PRKD1: variants seen among roughly 807,000 people sequenced by gnomAD.
The protein encoded by PRKD1 is serine/threonine-protein kinase D1.
PRKD1 carries 63 observed loss-of-function variants against 95.9 expected under a neutral mutation model. The observed-to-expected ratio is 0.66, with a 90% CI of 0.54 to 0.81. PRKD1 has a LOEUF of 0.81. Ranked by LOEUF, PRKD1 falls within the 30% of genes least tolerant of loss-of-function variation. The pLI, the probability that PRKD1 is intolerant of heterozygous loss-of-function variation, is 0.00. For missense variants in PRKD1, 1,048 were observed against 1,165.3 expected, an observed-to-expected ratio of 0.90 and a Z score of 1.47; for synonymous variants, 425 against 423.1, an observed-to-expected ratio of 1.00 and a Z score of -0.05.
rs1212787971 is a variant in PRKD1, at chr14:29,723,800, T to C, written c.403+1736A>G. Among the ~76,000 whole-genome samples the C allele has an allele frequency of 2.0e-5, 3 of 152,108 alleles. No homozygotes were observed. In the East Asian group the frequency reaches 5.8e-4, roughly 29 times the overall value. ...CTGTTAGAGAATAGCTCCTTTTAAA[T>C]TCCAGCAAAATAGCTGGTAAGAGTA... On this transcript the variant is annotated intron_variant, in intron 2 of 17. Transcript: ENST00000331968.
chr14:29,888,287 A>G (rs1340285088), intron 1 of PRKD1, among the ~76,000 whole-genome samples: 3 of 152,010 alleles, frequency 2.0e-5, no homozygotes, highest in African/African-American at 7.3e-5. Context: ...GCGAGAAGAA[A>G]GAAAGAGAGA....
chr14:29,767,746 A>G (rs1006167477), intron 1 of PRKD1, among the ~76,000 whole-genome samples: 8 of 152,226 alleles, frequency 5.3e-5, no homozygotes, highest in Non-Finnish European at 1.2e-4. Flanking sequence ...AAATCAGTCA[A>G]CAAACACCTC....
chr14:29,645,756 C>G (rs964420278), intron 4 of PRKD1, among the ~76,000 whole-genome samples: 3 of 152,032 alleles, frequency 2.0e-5, no homozygotes, highest in Admixed American at 6.5e-5. Flanking sequence ...TATATTTACT[C>G]TTTCCCTTTC....
intron 1 of PRKD1, among the ~76,000 whole-genome samples, chr14:29,793,796 T>G (rs1889681027): frequency 6.6e-6 from 1 of 152,132 alleles, no homozygotes; most frequent in Non-Finnish European, 1.5e-5. Flanking sequence ...AATTAGATTT[T>G]TTTTTCTTAA....
At chr14:29,846,112 C>T (rs902360948) in intron 1 of PRKD1, among the ~76,000 whole-genome samples, 4 of 152,150 alleles carry the variant, frequency 2.6e-5, no homozygotes. Flanking sequence ...AGTTCCTGCT[C>T]ATATTTATTC....
Position 29,779,668 on chromosome 14 carries a change from C to T in PRKD1, c.265-53994G>A, listed in dbSNP as rs151318561. 9.9e-5 allele frequency among the ~76,000 whole-genome samples: 15 copies of T among 152,284 alleles called. No individual in the cohort carries two copies. In the East Asian group the frequency reaches 2.3e-3, roughly 24 times the overall value. On this transcript the variant is annotated intron_variant, in intron 1 of 17. Coordinates refer to ENST00000331968, the MANE Select transcript of PRKD1 (RefSeq NM_002742.3). ...CAAACAAATGGAAGAAAATTCCATG[C>T]TCATAGATAGGAAGAATCAACATCG...
intron 2 of PRKD1, among the ~76,000 whole-genome samples, chr14:29,685,791 C>A (rs1429874428): frequency 6.6e-6 from 1 of 151,858 alleles, no homozygotes; most frequent in Non-Finnish European, 1.5e-5. Flanking sequence ...GACCAGCTAA[C>A]TATAACTCAA....
At chr14:29,903,101 T>A (rs1193869629) in intron 1 of PRKD1, among the ~76,000 whole-genome samples, 1 of 152,084 alleles carries the variant, frequency 6.6e-6, no homozygotes, top group African/African-American at 2.4e-5. Flanking sequence ...TCAATAAGAT[T>A]AAAAACATAG....
At chr14:29,613,372 C>T (rs559476904) in intron 13 of PRKD1, among the ~76,000 whole-genome samples, 21 of 152,272 alleles carry the variant, frequency 1.4e-4, no homozygotes, top group African/African-American at 4.1e-4. Flanking sequence ...TCTACTTACT[C>T]CTGATCATCC....
intron 2 of PRKD1, among the ~76,000 whole-genome samples, chr14:29,668,976 T>A (rs1191461517): frequency 6.6e-6 from 1 of 152,118 alleles, no homozygotes; most frequent in Non-Finnish European, 1.5e-5. Flanking sequence ...CCATATAAAC[T>A]CTCTCAGCCA....
chr14:29,892,436 T>C (rs1381240880), intron 1 of PRKD1, among the ~76,000 whole-genome samples: 1 of 71,572 alleles, frequency 1.4e-5, no homozygotes, highest in African/African-American at 7.3e-5. Flanking sequence ...TGGCCACCCA[T>C]ACAAAAAAAA....
At chr14:29,826,565 TATATATATATACATATATATGATGAAA>T (rs1891130399) in intron 1 of PRKD1, among the ~76,000 whole-genome samples, 1 of 10,980 alleles carries the variant, frequency 9.1e-5, no homozygotes, top group Non-Finnish European at 1.9e-4. Context: ...TATGATGGAA[TATATATATATACATATATATGATGAAA>T]ATATATATAC....
intron 2 of PRKD1, among the ~76,000 whole-genome samples, chr14:29,677,828 G>A (rs1883321835): frequency 6.6e-6 from 1 of 152,182 alleles, no homozygotes; most frequent in Admixed American, 6.5e-5. Flanking sequence ...GCCTCCCAAA[G>A]TGCTGGGATT....
chr14:29,742,704 G>T (rs2139437138), intron 1 of PRKD1, among the ~76,000 whole-genome samples: 1 of 152,268 alleles, frequency 6.6e-6, no homozygotes, highest in African/African-American at 2.4e-5. Context: ...ATGTTATACT[G>T]TGACTATGCA....
chr14:29,733,596 A>C (rs1368060995), intron 1 of PRKD1, among the ~76,000 whole-genome samples: 1 of 152,174 alleles, frequency 6.6e-6, no homozygotes, highest in Non-Finnish European at 1.5e-5. Context: ...GGAAGGCAAG[A>C]CACCATCTTC....
chr14:29,684,686 T>C (rs1883752038), intron 2 of PRKD1, among the ~76,000 whole-genome samples: 4 of 152,180 alleles, frequency 2.6e-5, no homozygotes, highest in Admixed American at 2.6e-4. Flanking sequence ...AACAGAAGGA[T>C]AGTCTCAGTC....
chr14:29,624,822 T>C (rs1242755750), intron 12 of PRKD1, among the ~76,000 whole-genome samples: 1 of 152,120 alleles, frequency 6.6e-6, no homozygotes, highest in Non-Finnish European at 1.5e-5. Context: ...AAATGGTTAG[T>C]TATCATCATC....
At chr14:29,661,183 G>A (rs985605437) in intron 4 of PRKD1, among the ~76,000 whole-genome samples, 1 of 152,132 alleles carries the variant, frequency 6.6e-6, no homozygotes, top group Admixed American at 6.5e-5. Flanking sequence ...AAACTTTATA[G>A]TCAAAATAGG....
chr14:29,740,831 T>C (rs1044155433), intron 1 of PRKD1, among the ~76,000 whole-genome samples: 14 of 152,160 alleles, frequency 9.2e-5, no homozygotes, highest in African/African-American at 3.1e-4. Flanking sequence ...CTATTCACAA[T>C]AGCAAAAACA....
Sources: allele counts gnomAD v4.1 joint callset (sites outside exome capture counted in the v4.1 genomes callset), GRCh38; gene constraint gnomAD v4.1.1; transcripts MANE v1.5; gene names NCBI Gene and HGNC (gene_info 2026-07-23, HGNC 2026-07-21).